TMEM132B: variants seen among roughly 807,000 people sequenced by gnomAD.
TMEM132B encodes transmembrane protein 132B.
TMEM132B carries 18 observed loss-of-function variants against 90.8 expected under a neutral mutation model. The observed-to-expected ratio is 0.20, with a 90% CI of 0.14 to 0.29. The LOEUF is 0.29. Among genes scored for constraint, TMEM132B ranks in the 10% least tolerant of loss-of-function variants. The pLI is 1.00. For missense variants in TMEM132B, 1,096 were observed against 1,326.8 expected (o/e 0.83, Z 2.70); for synonymous variants, 504 against 523.3 (o/e 0.96, Z 0.50).
At chr12:125,358,551 A>G (rs1306608609) in intron 2 of TMEM132B, among the ~76,000 whole-genome samples, 2 of 151,840 alleles carry the variant, frequency 1.3e-5, no homozygotes, top group Non-Finnish European at 2.9e-5. Context: ...TGACTTTAAC[A>G]CTTTTAAAGA....
At chr12:125,372,336 C>T (rs2136272440) in intron 2 of TMEM132B, among the ~76,000 whole-genome samples, 1 of 152,300 alleles carries the variant, frequency 6.6e-6, no homozygotes, top group South Asian at 2.1e-4. Flanking sequence ...AGTTGAAATC[C>T]AGAATTAGCA....
At chr12:125,282,879 G>A (rs945036168) in intron 1 of TMEM132B, among the ~76,000 whole-genome samples, 3 of 152,018 alleles carry the variant, frequency 2.0e-5, no homozygotes, top group African/African-American at 7.2e-5. Flanking sequence ...TTTCCTTCCT[G>A]GCCCTGGTTC....
chr12:125,529,956 G>A (rs1883601608), intron 4 of TMEM132B, among the ~76,000 whole-genome samples: 1 of 152,128 alleles, frequency 6.6e-6, no homozygotes, highest in South Asian at 2.1e-4. Flanking sequence ...GGGGCCGCAG[G>A]AGTTCAAGGC....
At chr12:125,591,978 GC>G (rs753514920) in intron 5 of TMEM132B, among the ~76,000 whole-genome samples, 4 of 152,024 alleles carry the variant, frequency 2.6e-5, no homozygotes, top group Non-Finnish European at 5.9e-5. Flanking sequence ...TTTTTTTGGG[GC>G]CACAATTCAA....
chr12:125,455,746 A>AGCCCC (rs146712923), intron 3 of TMEM132B, among the ~76,000 whole-genome samples: 8,773 of 151,842 alleles, frequency 0.058, 604 homozygotes, highest in East Asian at 0.3. Flanking sequence ...TCACGGCTCC[A>AGCCCC]GCCCCCTTGT....
At position 125,212,149 on chromosome 12, in the gene TMEM132B, G is replaced by A. The variant is rs1020072119; in HGVS notation, c.67+25283G>A. Among the ~76,000 whole-genome samples, 8 of 152,198 alleles carry A rather than the reference G, an allele frequency of 5.3e-5. No individual in the cohort carries two copies. The East Asian group carries it at 1.5e-3, about 29-fold the overall frequency. ...TGACATTTGGTGGGCTTTGCTTTGTGTTCTGCTTTCGATGGCAGGGCTTCC... is the reference window on the plus strand; with the variant it reads ...TGACATTTGGTGGGCTTTGCTTTGTATTCTGCTTTCGATGGCAGGGCTTCC... On this transcript the variant is annotated intron_variant, in intron 1 of 8. Transcript: ENST00000682704.
At chr12:125,330,090 G>T (rs325083) in intron 1 of TMEM132B, among the ~76,000 whole-genome samples, 107,717 of 152,010 alleles carry the variant, frequency 0.71, 39,675 homozygotes, top group African/African-American at 0.91. Context: ...CCCAGGTGTT[G>T]CTCTGGGTCA....
In TMEM132B at chr12:125,522,195, C is replaced by A. The variant is rs370611062; in HGVS notation, c.1293+2570C>A. On this transcript the variant is annotated intron_variant, in intron 4 of 8. Coordinates refer to ENST00000682704, the MANE Select transcript of TMEM132B (RefSeq NM_001366854.1). ...TCTGGCTAAATTAGTCTCCCCCTTT[C>A]TATTTTCACTTATTTGTCCTTGTCT... Among the ~76,000 whole-genome samples, 3 of 152,322 alleles carry A rather than the reference C, an allele frequency of 2.0e-5. No individual in the cohort carries two copies. The South Asian group carries it at 6.2e-4, about 32-fold the overall frequency.
At chr12:125,443,552 G>A (rs1362687840) in intron 3 of TMEM132B, among the ~76,000 whole-genome samples, 1 of 152,130 alleles carries the variant, frequency 6.6e-6, no homozygotes, top group Non-Finnish European at 1.5e-5. Context: ...GGGATTCTGT[G>A]CTTTAAGAGG....
intron 1 of TMEM132B, among the ~76,000 whole-genome samples, chr12:125,225,886 A>G (rs992277397): frequency 1.3e-5 from 2 of 152,134 alleles, no homozygotes; most frequent in Non-Finnish European, 2.9e-5. Flanking sequence ...AATGTAGTCC[A>G]CCTGTGGGCC....
intron 3 of TMEM132B, among the ~76,000 whole-genome samples, chr12:125,470,138 G>A (rs1881672066): frequency 6.6e-6 from 1 of 152,178 alleles, no homozygotes; most frequent in Non-Finnish European, 1.5e-5. Flanking sequence ...CAGCCATGAC[G>A]GGCCTGCTTA....
chr12:125,450,594 C>T (rs1053299862), intron 3 of TMEM132B, among the ~76,000 whole-genome samples: 1 of 152,124 alleles, frequency 6.6e-6, no homozygotes, highest in Non-Finnish European at 1.5e-5. Context: ...ATTGAAAAAA[C>T]CCCAGAATTT....
intron 1 of TMEM132B, among the ~76,000 whole-genome samples, chr12:125,248,088 A>G (rs1478889882): frequency 6.6e-6 from 1 of 152,206 alleles, no homozygotes; most frequent in Non-Finnish European, 1.5e-5. Flanking sequence ...TCCCAGAAGC[A>G]GATCTTGGAG....
intron 3 of TMEM132B, among the ~76,000 whole-genome samples, chr12:125,462,805 A>G (rs1340850392): frequency 1.3e-5 from 2 of 152,196 alleles, no homozygotes; most frequent in East Asian, 1.9e-4. Context: ...AACTTGACTA[A>G]TCCACAAGCA....
chr12:125,282,474 C>T (rs187623010), intron 1 of TMEM132B, among the ~76,000 whole-genome samples: 3 of 152,318 alleles, frequency 2.0e-5, no homozygotes, highest in African/African-American at 7.2e-5. Context: ...TCATAACACT[C>T]TCCGCGTCTT....
intron 5 of TMEM132B, among the ~76,000 whole-genome samples, chr12:125,641,135 C>G (rs1886620730): frequency 6.6e-6 from 1 of 152,164 alleles, no homozygotes; most frequent in African/African-American, 2.4e-5. Flanking sequence ...CCTATATTGT[C>G]CATGCTCTGG....
At chr12:125,579,594 C>T (rs1885009162) in intron 4 of TMEM132B, among the ~76,000 whole-genome samples, 5 of 152,040 alleles carry the variant, frequency 3.3e-5, no homozygotes, top group Admixed American at 2.6e-4. Flanking sequence ...AAACTCCTGA[C>T]CTCATGATCT....
intron 1 of TMEM132B, among the ~76,000 whole-genome samples, chr12:125,282,869 TTTCC>T (rs1337033974): frequency 6.6e-6 from 1 of 152,198 alleles, no homozygotes; most frequent in Non-Finnish European, 1.5e-5. Flanking sequence ...GTTCTCTTTC[TTTCC>T]TTCCTGGCCC....
chr12:125,215,293 C>T (rs1403254640), intron 1 of TMEM132B, among the ~76,000 whole-genome samples: 1 of 152,240 alleles, frequency 6.6e-6, no homozygotes, highest in African/African-American at 2.4e-5. Context: ...TCTGAAACTT[C>T]TGGAGGTCAA....
Sources: allele counts gnomAD v4.1 joint callset (sites outside exome capture counted in the v4.1 genomes callset), GRCh38; gene constraint gnomAD v4.1.1; transcripts MANE v1.5; gene names NCBI Gene and HGNC (gene_info 2026-07-23, HGNC 2026-07-21).